The following KATNIP variants were observed in gnomAD, a reference collection of about 807,000 sequenced individuals.
KATNIP encodes the protein katanin-interacting protein.
Under a neutral mutation model 174.0 loss-of-function variants are expected in KATNIP, and 126 were observed. That is an observed-to-expected ratio of 0.72 (90% CI 0.63 to 0.84). The LOEUF (loss-of-function observed/expected upper bound fraction) is 0.84, where lower values mean the gene tolerates loss of function less well. Ranked by LOEUF, KATNIP falls within the 40% of genes least tolerant of loss-of-function variation. KATNIP has a pLI of 0.00. For missense variants in KATNIP, 1,958 were observed against 2,109.7 expected, an observed-to-expected ratio of 0.93 and a Z score of 1.41; for synonymous variants, 810 against 835.7, an observed-to-expected ratio of 0.97 and a Z score of 0.53.
At chr16:27,774,853 C>G in intron 23 of KATNIP, 92 bp from the exon 24 acceptor site, 3 of 1,484,920 alleles carry the variant, frequency 2.0e-6, no homozygotes, top group South Asian at 2.4e-5. Context: ...CCTGCCAGCC[C>G]CAGAGTCCCC....
chr16:27,617,555 A>G lies in KATNIP; in HGVS notation c.64-870A>G, dbSNP rs575017828. ...CAAGGTCATCTACGGAAGCCAGTGA[A>G]CTGCAAGAAGGGGCTGAGCAGTTCC... On this transcript the variant is annotated intron_variant, in intron 2 of 27. Coordinates refer to ENST00000261588, the MANE Select transcript of KATNIP (RefSeq NM_015202.5). 5.9e-5 allele frequency among the ~76,000 whole-genome samples: 9 copies of G among 152,326 alleles called. No homozygotes were observed. In the South Asian group the frequency reaches 1.9e-3, roughly 32 times the overall value.
intron 5 of KATNIP, 82 bp downstream of exon 5, chr16:27,631,244 TA>T (rs1260213006): frequency 1.8e-6 from 2 of 1,126,288 alleles, no homozygotes; most frequent in African/African-American, 1.5e-5. Context: ...TCAGAGCATT[TA>T]AAACCCCCAT....
intron 2 of KATNIP, among the ~76,000 whole-genome samples, chr16:27,576,353 A>G (rs1342601417): frequency 2.6e-5 from 4 of 152,192 alleles, no homozygotes; most frequent in African/African-American, 9.7e-5. Context: ...CTTAACCTGG[A>G]AAGATATTTC....
chr16:27,754,283 G>C (rs776413579), intron 18 of KATNIP, 32 bp downstream of exon 18: 14 of 1,582,136 alleles, frequency 8.8e-6, no homozygotes, highest in Non-Finnish European at 1.2e-5. Context: ...GTGTTGGGTG[G>C]AAGGAGGACC....
At chr16:27,643,559 C>G (rs2076866737) in intron 5 of KATNIP, among the ~76,000 whole-genome samples, 1 of 120,180 alleles carries the variant, frequency 8.3e-6, no homozygotes, top group South Asian at 2.7e-4. Flanking sequence ...CCGCTGCACT[C>G]CAGGCTGGGT....
At chr16:27,681,606 G>T (rs2078346135) in intron 8 of KATNIP, 76 bp downstream of exon 8, 1 of 1,553,920 alleles carries the variant, frequency 6.4e-7, no homozygotes, top group African/African-American at 1.4e-5. Context: ...ATGATGGGAG[G>T]CCGCACTTCA....
chr16:27,661,018 A>G (rs1349135287), intron 6 of KATNIP, among the ~76,000 whole-genome samples: 1 of 152,146 alleles, frequency 6.6e-6, no homozygotes, highest in Non-Finnish European at 1.5e-5. Flanking sequence ...ATAGCTGTTG[A>G]TTAGGCACCC....
chr16:27,567,038 T>C (rs1433231947), intron 1 of KATNIP, among the ~76,000 whole-genome samples: 1 of 152,226 alleles, frequency 6.6e-6, no homozygotes, highest in Admixed American at 6.5e-5. Flanking sequence ...CCGTATTTTG[T>C]CATCGTTTCA....
intron 2 of KATNIP, among the ~76,000 whole-genome samples, chr16:27,609,201 C>A (rs956419650): frequency 6.6e-6 from 1 of 151,974 alleles, no homozygotes; most frequent in Non-Finnish European, 1.5e-5. Flanking sequence ...TCATAGAATT[C>A]TCATTCTAGT....
At chr16:27,685,004 T>C (rs1236751849) in intron 8 of KATNIP, among the ~76,000 whole-genome samples, 2 of 152,214 alleles carry the variant, frequency 1.3e-5, no homozygotes, top group Non-Finnish European at 2.9e-5. Flanking sequence ...GAAATAGAGC[T>C]TAATTAATTT....
chr16:27,669,182 G>T lies in KATNIP; in HGVS notation c.541-8547G>T, dbSNP rs1194376009. 7 of 611,368 alleles carry T rather than the reference G, an allele frequency of 1.1e-5. No individual in the cohort carries two copies. In the East Asian group the frequency reaches 9.9e-4, roughly 86 times the overall value. The allele number at this position is 611,368 out of a possible 1,614,324, so 37.9% of individuals were successfully genotyped here. ...GCCTGATGTCACTTTTCCTAGTTCA[G>T]CAGAAAGAGGAAGCTCAGGCATAGA... On this transcript the variant is annotated intron_variant, in intron 6 of 27. Coordinates refer to ENST00000261588, the MANE Select transcript of KATNIP (RefSeq NM_015202.5).
chr16:27,643,547 C>T (rs1390606261), intron 5 of KATNIP, among the ~76,000 whole-genome samples: 1 of 148,006 alleles, frequency 6.8e-6, no homozygotes. Context: ...GTCGAGATCA[C>T]CCCGCTGCAC....
At chr16:27,753,583 T>C (rs2081599896) in intron 17 of KATNIP, among the ~76,000 whole-genome samples, 1 of 152,208 alleles carries the variant, frequency 6.6e-6, no homozygotes, top group South Asian at 2.1e-4. Context: ...CAGGATTTTT[T>C]ATCCTGGCTA....
chr16:27,760,821 A>G (rs1418191635), intron 18 of KATNIP, among the ~76,000 whole-genome samples: 5 of 152,208 alleles, frequency 3.3e-5, no homozygotes, highest in Non-Finnish European at 5.9e-5. Context: ...GGAAGTGTAC[A>G]GTGGCATGGC....
intron 6 of KATNIP, among the ~76,000 whole-genome samples, chr16:27,652,805 C>CAAAAAAAA (rs55843823): frequency 1.7e-5 from 2 of 120,802 alleles, no homozygotes; most frequent in Non-Finnish European, 1.8e-5. Context: ...AACTCCATCT[C>CAAAAAAAA]AAAAAAAAAA....
intron 14 of KATNIP, among the ~76,000 whole-genome samples, chr16:27,726,828 GGAGTTT>G (rs2080469934): frequency 6.6e-6 from 1 of 152,196 alleles, no homozygotes; most frequent in Admixed American, 6.5e-5. Context: ...CCCTGCGGCA[GGAGTTT>G]GAGGACTGTG....
At chr16:27,771,768 A>G in intron 22 of KATNIP, 116 bp downstream of exon 22, 1 of 1,046,642 alleles carries the variant, frequency 9.6e-7, no homozygotes, top group Non-Finnish European at 1.4e-6. Flanking sequence ...AACTCCATGC[A>G]AGGAAACCAA....
intron 1 of KATNIP, among the ~76,000 whole-genome samples, chr16:27,572,450 C>T (rs1022846754): frequency 1.8e-4 from 27 of 150,578 alleles, no homozygotes; most frequent in African/African-American, 6.1e-4. Flanking sequence ...TCATTCTATC[C>T]GGGAATCCTG....
chr16:27,741,420 A>G lies in KATNIP; in HGVS notation c.2623+500A>G, dbSNP rs141311886. On this transcript the variant is annotated intron_variant, in intron 15 of 27. Coordinates refer to ENST00000261588, the MANE Select transcript of KATNIP (RefSeq NM_015202.5). ...GCCACTGCACTCCAGCCTGGGTGAC[A>G]CAGCGAGACTCTGTCTCAAAGAAAA... Among the ~76,000 whole-genome samples the G allele has an allele frequency of 6.7e-3, 1,024 of 152,236 alleles. 5 individuals are homozygous for G. Among genetic ancestry groups the G allele is most frequent in the Non-Finnish European group, 9.3e-3 (635 of 68,016 alleles).
Sources: allele counts gnomAD v4.1 joint callset (sites outside exome capture counted in the v4.1 genomes callset), GRCh38; gene constraint gnomAD v4.1.1; transcripts MANE v1.5; gene names NCBI Gene and HGNC (gene_info 2026-07-23, HGNC 2026-07-21).